CELF4: variants seen among roughly 807,000 people sequenced by gnomAD.
The protein encoded by CELF4 is CUGBP Elav-like family member 4.
In CELF4, 18 loss-of-function variants were observed where a neutral mutation model predicts 59.9. That is an observed-to-expected ratio of 0.30 (90% confidence interval 0.21 to 0.45). The LOEUF is 0.45. Among genes scored for constraint, CELF4 ranks in the 20% least tolerant of loss-of-function variants. CELF4 has a pLI of 1.00. For missense variants in CELF4, 456 were observed against 689.0 expected, an observed-to-expected ratio of 0.66 and a Z score of 3.79; for synonymous variants, 261 against 267.1, an observed-to-expected ratio of 0.98 and a Z score of 0.22.
At chr18:37,439,658 C>T (rs1277216714) in intron 2 of CELF4, among the ~76,000 whole-genome samples, 2 of 152,114 alleles carry the variant, frequency 1.3e-5, no homozygotes, top group Non-Finnish European at 2.9e-5. Context: ...CTCTGGGAAG[C>T]TCTCCCCCAC....
chr18:37,315,721 C>T (rs574138958), intron 3 of CELF4, among the ~76,000 whole-genome samples: 6 of 152,166 alleles, frequency 3.9e-5, no homozygotes, highest in Non-Finnish European at 5.9e-5. Flanking sequence ...GGGAAAGAAA[C>T]GTCCTCCCCA....
chr18:37,327,006 T>C lies in CELF4; in HGVS notation c.370-5125A>G, dbSNP rs138881070. ...GTCAAGCTCATTTGAACCAGCCTCC[T>C]TGGGGACGATTATGATACAATTAGA... On this transcript the variant is annotated intron_variant, in intron 2 of 12. Coordinates refer to ENST00000420428, the MANE Select transcript of CELF4 (RefSeq NM_020180.4). 4.0e-3 allele frequency among the ~76,000 whole-genome samples: 603 copies of C among 152,316 alleles called. 4 individuals are homozygous for C. The highest frequency in any genetic ancestry group is 6.7e-3 in the Non-Finnish European group (453 of 68,028).
chr18:37,497,290 A>T (rs2099926239), intron 1 of CELF4, among the ~76,000 whole-genome samples: 1 of 152,206 alleles, frequency 6.6e-6, no homozygotes, highest in Non-Finnish European at 1.5e-5. Flanking sequence ...TGCTTCATTC[A>T]TTCATTCATT....
At chr18:37,270,422 C>A (rs1378916858) in intron 8 of CELF4, among the ~76,000 whole-genome samples, 1 of 152,242 alleles carries the variant, frequency 6.6e-6, no homozygotes, top group Non-Finnish European at 1.5e-5. Context: ...TATCCCCTTA[C>A]TTCTTGTAGG....
intron 2 of CELF4, among the ~76,000 whole-genome samples, chr18:37,367,331 C>T (rs886391681): frequency 5.3e-5 from 8 of 151,540 alleles, no homozygotes; most frequent in East Asian, 1.9e-4. Context: ...GAGGCAGACA[C>T]GGGGGAGTGG....
At chr18:37,247,799 A>G (rs1480560911) in intron 12 of CELF4, among the ~76,000 whole-genome samples, 1 of 152,088 alleles carries the variant, frequency 6.6e-6, no homozygotes, top group Non-Finnish European at 1.5e-5. Flanking sequence ...GGCCAGAAAA[A>G]AAATAAAACA....
At chr18:37,314,298 C>A (rs2096782767) in intron 3 of CELF4, among the ~76,000 whole-genome samples, 1 of 152,138 alleles carries the variant, frequency 6.6e-6, no homozygotes, top group Non-Finnish European at 1.5e-5. Context: ...AATACACACA[C>A]ACAAAAATTT....
At chr18:37,393,385 C>T (rs538519478) in intron 2 of CELF4, among the ~76,000 whole-genome samples, 1 of 152,348 alleles carries the variant, frequency 6.6e-6, no homozygotes, top group South Asian at 2.1e-4. Context: ...TTCTCCAGGG[C>T]ACTGGCTGGG....
rs56250210 is a variant in CELF4 at position 37,379,507 on chromosome 18, C to CAAAAAAAAAAAAAAAAAAAA, written c.370-57646_370-57627dup. Among the ~76,000 whole-genome samples, 4 of 45,708 alleles carry CAAAAAAAAAAAAAAAAAAAA rather than the reference C, an allele frequency of 8.8e-5. 2 individuals carry two copies. The highest frequency in any genetic ancestry group is 1.9e-4 in the African/African-American group (2 of 10,580). The allele number at this position is 45,708 out of a possible 152,430, so 30.0% of individuals were successfully genotyped here. Reference sequence around the variant, plus strand: ...GGCATCACAAATAAGAGGCCATAAGCAAAAAAAAAAAAAAAAAAAAAAAAA... The same window carrying CAAAAAAAAAAAAAAAAAAAA: ...GGCATCACAAATAAGAGGCCATAAGCAAAAAAAAAAAAAAAAAAAAAAAAAAAAAAAAAAAAAAAAAAAAA... On this transcript the variant is annotated intron_variant, in intron 2 of 12. Coordinates refer to ENST00000420428, the MANE Select transcript of CELF4 (RefSeq NM_020180.4).
Position 37,253,799 on chromosome 18 carries a change from T to C in CELF4, c.*12A>G. 6.3e-7 allele frequency: 1 copy of C among 1,589,884 alleles called. No homozygotes were observed. Among genetic ancestry groups the C allele is most frequent in the South Asian group, 1.1e-5 (1 of 88,658 alleles). Reference sequence around the variant, plus strand: ...AGTCCTGGTCTCCCCCGGGGGACGCTCCCGCCGGCGCTCAGTACGGGCGAT... The same window carrying C: ...AGTCCTGGTCTCCCCCGGGGGACGCCCCCGCCGGCGCTCAGTACGGGCGAT... On this transcript the variant is annotated 3_prime_UTR_variant, in exon 12 of 13. Transcript: ENST00000420428. This position sits in a 1 kb window ranked among gnomAD's most constrained non-coding sequence, Gnocchi z 4.5.
chr18:37,528,255 C>T (rs2099965944), intron 1 of CELF4, among the ~76,000 whole-genome samples: 1 of 152,200 alleles, frequency 6.6e-6, no homozygotes, highest in African/African-American at 2.4e-5. Context: ...TGCAGTCTCT[C>T]TGGAGCCAAA....
Position 37,420,933 on chromosome 18 carries a change from T to A in CELF4, c.369+64592A>T, listed in dbSNP as rs182191867. Reference sequence around the variant, plus strand: ...AAGAGCCTCATGCCATGTTTTGTAGTCCTGTTCCCATCCAATTCAGGTAAG... The same window carrying A: ...AAGAGCCTCATGCCATGTTTTGTAGACCTGTTCCCATCCAATTCAGGTAAG... On this transcript the variant is annotated intron_variant, in intron 2 of 12. Coordinates refer to ENST00000420428, the MANE Select transcript of CELF4 (RefSeq NM_020180.4). 4.6e-5 allele frequency among the ~76,000 whole-genome samples: 7 copies of A among 152,346 alleles called. No homozygotes were observed. The East Asian group carries it at 1.2e-3, about 25-fold the overall frequency.
chr18:37,439,420 T>C (rs140731161), intron 2 of CELF4, among the ~76,000 whole-genome samples: 2 of 152,224 alleles, frequency 1.3e-5, no homozygotes, highest in Admixed American at 6.5e-5. Flanking sequence ...TGCATGCATG[T>C]GTGTGTGTGC....
chr18:37,517,137 G>T (rs1020864926), intron 1 of CELF4, among the ~76,000 whole-genome samples: 12 of 152,268 alleles, frequency 7.9e-5, no homozygotes, highest in South Asian at 4.1e-4. Flanking sequence ...GAATGCTGTG[G>T]GGTCAGTTGC....
intron 1 of CELF4, among the ~76,000 whole-genome samples, chr18:37,552,283 A>G (rs1325733759): frequency 6.6e-6 from 1 of 152,220 alleles, no homozygotes; most frequent in African/African-American, 2.4e-5. Context: ...TGAATTGGAC[A>G]TGAATCTGCA....
intron 2 of CELF4, among the ~76,000 whole-genome samples, chr18:37,408,358 C>T (rs1350088713): frequency 6.6e-6 from 1 of 152,076 alleles, no homozygotes; most frequent in African/African-American, 2.4e-5. Flanking sequence ...TGAACCATAT[C>T]TTTCAAAGGA....
chr18:37,539,835 A>G (rs59429523), intron 1 of CELF4, among the ~76,000 whole-genome samples: 39 of 152,342 alleles, frequency 2.6e-4, no homozygotes, highest in African/African-American at 9.1e-4. Context: ...AAATAGCCAC[A>G]CACCGCTGTT....
Position 37,416,805 on chromosome 18 carries a change from T to C in CELF4, c.369+68720A>G, listed in dbSNP as rs182602171. ...TGCACGCTCCCTGTTGCATCTGTCCTGTGTTGAGAAGGCGGGAATGCACTT... is the reference window on the plus strand; with the variant it reads ...TGCACGCTCCCTGTTGCATCTGTCCCGTGTTGAGAAGGCGGGAATGCACTT... On this transcript the variant is annotated intron_variant, in intron 2 of 12. Transcript: ENST00000420428. Among the ~76,000 whole-genome samples the C allele has an allele frequency of 2.6e-3, 393 of 152,280 alleles. 1 individual carries two copies. Among genetic ancestry groups the C allele is most frequent in the South Asian group, 4.8e-3 (23 of 4,830 alleles).
intron 2 of CELF4, among the ~76,000 whole-genome samples, chr18:37,364,076 T>G (rs1192751661): frequency 6.6e-6 from 1 of 152,352 alleles, no homozygotes; most frequent in East Asian, 1.9e-4. Context: ...CTTTGTTCTA[T>G]GCAATACCTT....
Sources: allele counts gnomAD v4.1 joint callset (sites outside exome capture counted in the v4.1 genomes callset), GRCh38; gene constraint gnomAD v4.1.1; non-coding constraint Gnocchi (gnomAD v3.1); transcripts MANE v1.5; gene names NCBI Gene and HGNC (gene_info 2026-07-23, HGNC 2026-07-21).